The following AP2A1 variants were observed in gnomAD, a reference collection of about 807,000 sequenced individuals.
The protein encoded by AP2A1 is adaptor related protein complex 2 subunit alpha 1.
A neutral mutation model predicts 107.3 loss-of-function variants in AP2A1; 21 were observed. The observed-to-expected ratio is 0.20, with a 90% confidence interval of 0.14 to 0.28. AP2A1 has a LOEUF of 0.28. Ranked by LOEUF, AP2A1 falls within the 10% of genes least tolerant of loss-of-function variation. The probability of loss-of-function intolerance (pLI) is 1.00; values close to 1 mark genes in which losing one functional copy is unlikely to be tolerated. For missense variants in AP2A1, 873 were observed against 1,307.7 expected, an observed-to-expected ratio of 0.67 and a Z score of 5.13; for synonymous variants, 602 against 564.8, an observed-to-expected ratio of 1.07 and a Z score of -0.93.
chr19:49,803,692 C>T (rs1199360343), intron 18 of AP2A1: 12 of 411,650 alleles, frequency 2.9e-5, no homozygotes, highest in Admixed American at 7.2e-5. Flanking sequence ...ATGCCAGCAC[C>T]GCCTGCACTC....
In AP2A1 at chr19:49,799,101, A is replaced by T. The variant is rs2073245386; in HGVS notation, c.965+149A>T. The T allele has an allele frequency of 3.9e-6, 5 of 1,266,494 alleles. No individual in the cohort carries two copies. In the South Asian group the frequency reaches 7.6e-5, roughly 19 times the overall value. 78.5% of individuals were successfully genotyped at this position (1,266,494 alleles called of 1,614,324 possible). ...ATGGGGCTGTGAAGTGTCACCTGTGAGGTTGGTGCTGGGGCCCTTCCTGGG... is the reference window on the plus strand; with the variant it reads ...ATGGGGCTGTGAAGTGTCACCTGTGTGGTTGGTGCTGGGGCCCTTCCTGGG... On this transcript the variant is annotated intron_variant, in intron 8 of 22. Coordinates refer to ENST00000354293, the MANE Select transcript of AP2A1 (RefSeq NM_130787.3).
intron 4 of AP2A1, among the ~76,000 whole-genome samples, chr19:49,789,335 G>C (rs1021815638): frequency 1.3e-5 from 2 of 152,052 alleles, no homozygotes; most frequent in African/African-American, 4.8e-5. Flanking sequence ...CTGTCTCCCA[G>C]GTTGAAGTGC....
intron 1 of AP2A1, among the ~76,000 whole-genome samples, chr19:49,772,463 G>GCTCC (rs1568573177): frequency 6.9e-6 from 1 of 144,440 alleles, no homozygotes; most frequent in African/African-American, 2.6e-5. Flanking sequence ...CAGGAGTGAG[G>GCTCC]CTCAGTGCCT....
rs780987435 is a variant in AP2A1, at chr19:49,805,952, G to A, written c.2655+11G>A. On this transcript the variant is annotated intron_variant, in intron 21 of 22. Coordinates refer to ENST00000354293, the MANE Select transcript of AP2A1 (RefSeq NM_130787.3). Reference sequence around the variant, plus strand: ...GTTACTAAGGCCAAGGTGAGAGACCGCGGGCGTGTTTGCCGGCCTATGGCT... The same window carrying A: ...GTTACTAAGGCCAAGGTGAGAGACCACGGGCGTGTTTGCCGGCCTATGGCT... The A allele has an allele frequency of 3.7e-6, 6 of 1,613,724 alleles. No homozygotes were observed. The South Asian group carries it at 5.5e-5, about 15-fold the overall frequency.
chr19:49,793,578 G>A (rs994497711), intron 6 of AP2A1, among the ~76,000 whole-genome samples: 4 of 152,144 alleles, frequency 2.6e-5, no homozygotes, highest in East Asian at 1.9e-4. Context: ...GTGCATGCCA[G>A]GCTCCATGTC....
chr19:49,781,576 G>A (rs1392449567), intron 1 of AP2A1, among the ~76,000 whole-genome samples, 181 bp from the exon 2 acceptor site: 4 of 152,180 alleles, frequency 2.6e-5, no homozygotes, highest in South Asian at 2.1e-4. Flanking sequence ...CTCAGCCAGC[G>A]GTGGTTCTTC....
At chr19:49,795,858 G>A in intron 7 of AP2A1, 120 bp downstream of exon 7, 1 of 811,850 alleles carries the variant, frequency 1.2e-6, no homozygotes, top group Non-Finnish European at 2.0e-6. Flanking sequence ...TCTGAAGCTG[G>A]GGCGGTTCCT....
rs117906953 is a variant in AP2A1 at position 49,799,052 on chromosome 19, A to T, written c.965+100A>T. On this transcript the variant is annotated intron_variant, in intron 8 of 22. Coordinates refer to ENST00000354293, the MANE Select transcript of AP2A1 (RefSeq NM_130787.3). Reference sequence around the variant, plus strand: ...CCTAGGCAGAGGGCAGGGAATCTTGACTTTTAGGTAGGGTAGGAGGAGGAT... The same window carrying T: ...CCTAGGCAGAGGGCAGGGAATCTTGTCTTTTAGGTAGGGTAGGAGGAGGAT... The T allele has an allele frequency of 4.8e-4, 698 of 1,455,832 alleles. 4 individuals are homozygous for T. Among genetic ancestry groups the T allele is most frequent in the Non-Finnish European group, 2.4e-4 (256 of 1,080,784 alleles). 90.2% of individuals were successfully genotyped at this position (1,455,832 alleles called of 1,614,324 possible). A position where few individuals can be genotyped will look rare whatever the true frequency, so the allele number is the denominator to read the frequency against.
chr19:49,787,035 C>T (rs1344408775), intron 4 of AP2A1, among the ~76,000 whole-genome samples: 1 of 152,166 alleles, frequency 6.6e-6, no homozygotes, highest in African/African-American at 2.4e-5. Flanking sequence ...GAGACAGGGT[C>T]TTGCCCTGTT....
Position 49,806,196 on chromosome 19 carries a change from G to C in AP2A1, c.2733G>C (p.Gln911His). Reference sequence around the variant, plus strand: ...ACTTCGTGGGGGCGGGGATCATCCAGACTAAAGCCCTGCAGGTGGGCTGTC... The same window carrying C: ...ACTTCGTGGGGGCGGGGATCATCCACACTAAAGCCCTGCAGGTGGGCTGTC... ...PENFVGAGII[Q>H]TKALQVGCLL... The change falls in exon 22 of 23, where the codon CAG becomes CAC. Residue 911 changes from glutamine (Q) to histidine (H), a missense_variant. By Grantham distance (24) the Gln-to-His change is conservative. Transcript: ENST00000354293. 1 of 1,601,504 alleles carries C rather than the reference G, an allele frequency of 6.2e-7. No individual in the cohort carries two copies. The highest frequency in any genetic ancestry group is 8.5e-7 in the Non-Finnish European group (1 of 1,174,484).
rs540148783 is a variant in AP2A1 at position 49,788,878 on chromosome 19, A to T, written c.474-3057A>T. Among the ~76,000 whole-genome samples the T allele has an allele frequency of 1.3e-5, 2 of 152,216 alleles. No individual in the cohort carries two copies. Among genetic ancestry groups the T allele is most frequent in the African/African-American group, 4.8e-5 (2 of 41,518 alleles). ...GGGCAGTGAACGTTTCTGTAGGGTG[A>T]GCGTCTGGGGGCAGCACTGCTGGTC... On this transcript the variant is annotated intron_variant, in intron 4 of 22. Transcript: ENST00000354293. This position sits in a 1 kb window ranked among gnomAD's most constrained non-coding sequence, Gnocchi z 4.5.
chr19:49,783,524 CAT>C (rs1359832309), intron 4 of AP2A1, among the ~76,000 whole-genome samples: 1 of 152,154 alleles, frequency 6.6e-6, no homozygotes, highest in Non-Finnish European at 1.5e-5. Flanking sequence ...ATACCCGACT[CAT>C]GTTCTCCCTG....
Position 49,801,532 on chromosome 19 carries a change from G to C in AP2A1, c.1696G>C (p.Gly566Arg). Residue 566 changes from glycine (G) to arginine (R), a missense_variant, in exon 13 of 23, where the codon GGC becomes CGC. Coordinates refer to ENST00000354293, the MANE Select transcript of AP2A1 (RefSeq NM_130787.3). ...CACCATCCAGGGCGTCCTGCGGGCC[G>C]GCTCCCAGCTGCGCAATGCTGACGT... ...KATIQGVLRA[G>R]SQLRNADVEL... 3 of 1,613,474 alleles carry C rather than the reference G, an allele frequency of 1.9e-6. No homozygotes were observed. Among genetic ancestry groups the C allele is most frequent in the Non-Finnish European group, 2.5e-6 (3 of 1,179,826 alleles).
chr19:49,768,584 T>C (rs1437237317), intron 1 of AP2A1, among the ~76,000 whole-genome samples: 1 of 152,096 alleles, frequency 6.6e-6, no homozygotes, highest in Non-Finnish European at 1.5e-5. Flanking sequence ...GGTTGTTGTT[T>C]TAGAATTTAA....
In AP2A1 at chr19:49,799,465, G is replaced by A. The variant is rs747261882; in HGVS notation, c.1104G>A (p.Thr368=). ...SSEFSHEAVK[T]HIDTVINALK... ...AGTTCTCCCATGAAGCCGTCAAGAC[G>A]CACATTGACACCGTCATCAATGCCC... The change falls in exon 9 of 23, where the codon ACG becomes ACA. Residue 368 remains threonine (T), a synonymous_variant. Transcript: ENST00000354293. 35 of 1,611,346 alleles carry A rather than the reference G, an allele frequency of 2.2e-5. 1 individual carries two copies. The highest frequency in any genetic ancestry group is 1.0e-4 in the Admixed American group (6 of 59,742).
intron 15 of AP2A1, chr19:49,802,537 G>A: frequency 6.2e-7 from 1 of 1,605,452 alleles, no homozygotes; most frequent in African/African-American, 1.3e-5. Context: ...GGCTCAGCGA[G>A]CTGGAGCCGC....
Position 49,767,122 on chromosome 19 carries a change from A to C in AP2A1, c.-12A>C. ...CTGTCCGGCCAGGCCTGGAGCCGACACCACCGCCATCATGCCGGCCGTGTC... is the reference window on the plus strand; with the variant it reads ...CTGTCCGGCCAGGCCTGGAGCCGACCCCACCGCCATCATGCCGGCCGTGTC... On this transcript the variant is annotated 5_prime_UTR_variant, in exon 1 of 23. Transcript: ENST00000354293. 1 of 1,610,620 alleles carries C rather than the reference A, an allele frequency of 6.2e-7. No homozygotes were observed.
At chr19:49,777,631 T>TCA (rs1283636564) in intron 1 of AP2A1, among the ~76,000 whole-genome samples, 3 of 126,908 alleles carry the variant, frequency 2.4e-5, no homozygotes, top group South Asian at 5.3e-4. Context: ...CGAGACTCCA[T>TCA]CACAAAAAAA....
At chr19:49,804,430 ACTCGGGAGG>A (rs1488703018) in intron 18 of AP2A1, 1 of 151,090 alleles carries the variant, frequency 6.6e-6, no homozygotes, top group Admixed American at 6.6e-5. Flanking sequence ...AGTCCCAGCT[ACTCGGGAGG>A]CTGAGGCAGG....
Sources: gnomAD v4.1 joint callset for allele counts (sites outside exome capture counted in the v4.1 genomes callset) on GRCh38, gnomAD v4.1.1 for gene constraint, Gnocchi (gnomAD v3.1) non-coding constraint, MANE v1.5 for transcripts, NCBI Gene and HGNC (gene_info 2026-07-23, HGNC 2026-07-21) for gene names.